Variants in HYDIN observed in about 807,000 individuals in gnomAD.
The protein encoded by HYDIN is axonemal central pair apparatus protein HYDIN.
Under a neutral mutation model 403.9 loss-of-function variants are expected in HYDIN, and 132 were observed. The ratio of observed to expected loss-of-function variants is 0.33; its 90% CI spans 0.28 to 0.38. The LOEUF is 0.38. Ranked by LOEUF, HYDIN falls within the 10% of genes least tolerant of loss-of-function variation. HYDIN has a pLI of 1.00. For missense variants in HYDIN, 2,827 were observed against 5,009.5 expected (o/e 0.56, Z 13.15); for synonymous variants, 1,202 against 1,891.7 (o/e 0.64, Z 9.46).
intron 80 of HYDIN, among the ~76,000 whole-genome samples, chr16:70,832,461 A>T (rs1008788000): frequency 5.0e-4 from 76 of 151,792 alleles, no homozygotes; most frequent in Non-Finnish European, 9.7e-4. Flanking sequence ...CATTTCTACC[A>T]CAAGCAGTGT....
chr16:70,865,714 T>A (rs894428457), intron 67 of HYDIN, among the ~76,000 whole-genome samples: 4 of 151,912 alleles, frequency 2.6e-5, no homozygotes, highest in Non-Finnish European at 5.9e-5. Context: ...CTCTTGTAAC[T>A]GGGCATATTC....
At chr16:71,229,377 ATACT>A (rs1236163302) in intron 1 of HYDIN, among the ~76,000 whole-genome samples, 5 of 152,236 alleles carry the variant, frequency 3.3e-5, no homozygotes, top group Non-Finnish European at 7.3e-5. Flanking sequence ...TGTAAAATTA[ATACT>A]TACCATATAA....
chr16:70,879,766 G>C lies in HYDIN; in HGVS notation c.10216-10C>G. The C allele has an allele frequency of 9.6e-7, 1 of 1,042,828 alleles. No individual in the cohort carries two copies. Among genetic ancestry groups the C allele is most frequent in the Non-Finnish European group, 1.4e-6 (1 of 706,534 alleles). The allele number at this position is 1,042,828 out of a possible 1,614,324, so 64.6% of individuals were successfully genotyped here. A position where few individuals can be genotyped will look rare whatever the true frequency, so the allele number is the denominator to read the frequency against. ...CGATGCGGGCAAAGGGCTGGTGATG[G>C]GGGCAGAGACCAGAGTGTGTCAGTG... On this transcript the variant is annotated splice_polypyrimidine_tract_variant and intron_variant, in intron 60 of 85. Coordinates refer to ENST00000393567, the MANE Select transcript of HYDIN (RefSeq NM_001270974.2).
chr16:70,834,944 A>G (rs1487696633), intron 78 of HYDIN, among the ~76,000 whole-genome samples: 1 of 145,312 alleles, frequency 6.9e-6, no homozygotes, highest in African/African-American at 2.6e-5. Context: ...ATATACACAC[A>G]TATATGTATA....
At chr16:70,820,196 T>TC (rs2036156982) in intron 83 of HYDIN, among the ~76,000 whole-genome samples, 1 of 130,370 alleles carries the variant, frequency 7.7e-6, no homozygotes, top group Non-Finnish European at 1.7e-5. Flanking sequence ...TCTTTTTTTT[T>TC]TTTTTTTTTT....
intron 1 of HYDIN, chr16:71,203,885 T>C (rs1364830237): frequency 2.2e-6 from 1 of 449,346 alleles, no homozygotes; most frequent in Non-Finnish European, 4.5e-6. Flanking sequence ...TGAAATATGG[T>C]GAAACCCCAT....
chr16:71,063,711 C>T (rs1179749576), intron 16 of HYDIN, among the ~76,000 whole-genome samples: 7 of 152,224 alleles, frequency 4.6e-5, no homozygotes, highest in East Asian at 1.9e-4. Flanking sequence ...GTAACAGCCC[C>T]GTGACTTGTG....
At chr16:70,872,292 T>C in intron 64 of HYDIN, 113 bp from the exon 65 acceptor site, 1 of 539,072 alleles carries the variant, frequency 1.9e-6, no homozygotes, top group East Asian at 3.4e-5. Flanking sequence ...CTTGGATGGC[T>C]ATATTTGAGA....
intron 9 of HYDIN, among the ~76,000 whole-genome samples, chr16:71,124,797 TAG>T (rs1473231008): frequency 6.8e-6 from 1 of 146,168 alleles, no homozygotes; most frequent in Non-Finnish European, 1.5e-5. Context: ...GAGTATCAAT[TAG>T]AGATTGATTA....
Position 71,230,621 on chromosome 16 carries a change from C to G in HYDIN, c.-83G>C, listed in dbSNP as rs2041240291. On this transcript the variant is annotated 5_prime_UTR_variant, in exon 1 of 86. Coordinates refer to ENST00000393567, the MANE Select transcript of HYDIN (RefSeq NM_001270974.2). Reference sequence around the variant, plus strand: ...TCCATTCCCCGCCAAGACCCCGCGTCCAACTCACAGACCCCGCCGCCGCTG... The same window carrying G: ...TCCATTCCCCGCCAAGACCCCGCGTGCAACTCACAGACCCCGCCGCCGCTG... 6.5e-7 allele frequency: 1 copy of G among 1,536,094 alleles called. No homozygotes were observed. The highest frequency in any genetic ancestry group is 8.7e-7 in the Non-Finnish European group (1 of 1,146,878).
chr16:70,886,992 C>T (rs2041178677), intron 58 of HYDIN, among the ~76,000 whole-genome samples: 1 of 152,114 alleles, frequency 6.6e-6, no homozygotes, highest in African/African-American at 2.4e-5. Flanking sequence ...TTCAGTCCCA[C>T]CCTCTTTTGT....
At chr16:71,066,747 A>C (rs959378142) in intron 15 of HYDIN, 5 of 381,180 alleles carry the variant, frequency 1.3e-5, no homozygotes, top group African/African-American at 1.1e-4. Context: ...TCTCTCAAAA[A>C]GAGAGAGGAG....
chr16:71,194,392 A>G (rs2087591284), intron 1 of HYDIN, among the ~76,000 whole-genome samples: 1 of 152,210 alleles, frequency 6.6e-6, no homozygotes, highest in Non-Finnish European at 1.5e-5. Flanking sequence ...GCCCAGCAAC[A>G]GAGTGAGACT....
At chr16:71,148,411 A>G (rs1033833830) in intron 7 of HYDIN, among the ~76,000 whole-genome samples, 6 of 152,234 alleles carry the variant, frequency 3.9e-5, no homozygotes, top group African/African-American at 1.4e-4. Flanking sequence ...AATGAAGAGC[A>G]TAAGGATTGA....
Position 70,892,344 on chromosome 16 carries a change from C to A in HYDIN, c.9417+17G>T. 1 of 1,561,446 alleles carries A rather than the reference C, an allele frequency of 6.4e-7. No homozygotes were observed. Among genetic ancestry groups the A allele is most frequent in the South Asian group, 1.2e-5 (1 of 80,742 alleles). The stretch of plus-strand genomic sequence containing the variant: ...ATCCTGCCATTGAGGCAGCCCCTCC[C>A]TTTGGAGCTCTCTTACCTGACAGCG... On this transcript the variant is annotated intron_variant, in intron 56 of 85. Coordinates refer to ENST00000393567, the MANE Select transcript of HYDIN (RefSeq NM_001270974.2).
At chr16:71,067,507 T>G (rs898759511) in intron 14 of HYDIN, 117 bp from the exon 15 acceptor site, 2 of 528,820 alleles carry the variant, frequency 3.8e-6, no homozygotes, top group Non-Finnish European at 6.8e-6. Flanking sequence ...TTTATGGATA[T>G]ATAGCATTTT....
intron 1 of HYDIN, among the ~76,000 whole-genome samples, chr16:71,213,414 A>T (rs2088698949): frequency 6.6e-6 from 1 of 152,198 alleles, no homozygotes; most frequent in Admixed American, 6.5e-5. Flanking sequence ...ACACGGAGTT[A>T]AAGAGTTCTG....
At position 70,806,410 on chromosome 16, in the gene HYDIN, AAGG is replaced by A. The variant is rs528365178; in HGVS notation, c.*1167_*1169del. Among the ~76,000 whole-genome samples the A allele has an allele frequency of 2.0e-3, 310 of 152,276 alleles. 1 individual carries two copies. Among genetic ancestry groups the A allele is most frequent in the Admixed American group, 5.4e-3 (82 of 15,302 alleles). On this transcript the variant is annotated 3_prime_UTR_variant, in exon 86 of 86. Coordinates refer to ENST00000393567, the MANE Select transcript of HYDIN (RefSeq NM_001270974.2). Reference sequence around the variant, plus strand: ...CTAGGGTTGTGGGGAGGTACAGAAGAAGGAGAAGAGTCTCCCTCCATGAAAGCC... The same window carrying A: ...CTAGGGTTGTGGGGAGGTACAGAAGAAGAAGAGTCTCCCTCCATGAAAGCC...
chr16:71,144,640 TA>T (rs1347099803), intron 7 of HYDIN, among the ~76,000 whole-genome samples: 1 of 151,728 alleles, frequency 6.6e-6, no homozygotes, highest in African/African-American at 2.4e-5. Context: ...CATTAATGGG[TA>T]AAATATTAGA....
Sources: allele counts gnomAD v4.1 joint callset (sites outside exome capture counted in the v4.1 genomes callset), GRCh38; gene constraint gnomAD v4.1.1; transcripts MANE v1.5; gene names NCBI Gene and HGNC (gene_info 2026-07-23, HGNC 2026-07-21).